Variants in MARK1 observed in about 807,000 individuals in gnomAD.
MARK1 encodes the protein microtubule affinity regulating kinase 1.
Under a neutral mutation model 96.3 loss-of-function variants are expected in MARK1, and 40 were observed. The observed-to-expected ratio is 0.42, with a 90% CI of 0.32 to 0.54. The LOEUF is 0.54. MARK1 is among the 20% of genes least tolerant of loss of function. The pLI is 0.16. For synonymous variants in MARK1, 317 were observed against 341.2 expected (o/e 0.93, Z 0.78); for missense variants, 719 against 984.6 (o/e 0.73, Z 3.61).
intron 13 of MARK1, among the ~76,000 whole-genome samples, chr1:220,644,494 T>G (rs560148511): frequency 2.3e-5 from 3 of 131,304 alleles, no homozygotes; most frequent in South Asian, 2.8e-4. Context: ...AAGACTTTAA[T>G]ACCCCACTGT....
intron 1 of MARK1, among the ~76,000 whole-genome samples, chr1:220,547,013 A>G (rs1344431974): frequency 6.6e-6 from 1 of 151,978 alleles, no homozygotes; most frequent in South Asian, 2.1e-4. Flanking sequence ...AAGAAAAGCA[A>G]CTATAGGAAT....
At chr1:220,531,947 C>A (rs993907936) in intron 1 of MARK1, among the ~76,000 whole-genome samples, 5 of 151,634 alleles carry the variant, frequency 3.3e-5, no homozygotes, top group African/African-American at 1.2e-4. Flanking sequence ...TGGATAATTC[C>A]ACCATGGATA....
chr1:220,552,889 A>G (rs775879464), intron 1 of MARK1, among the ~76,000 whole-genome samples: 2 of 152,010 alleles, frequency 1.3e-5, no homozygotes, highest in African/African-American at 2.4e-5. Context: ...GAGTGGTGCT[A>G]TTTTGGGAGC....
chr1:220,663,358 T>C lies in MARK1; in HGVS notation c.*1192T>C, dbSNP rs1669580837. The stretch of plus-strand genomic sequence containing the variant: ...TTATTCCACATCATTATGCCTATAA[T>C]GTGCCGCTTTGTGATTGGGCATTTG... On this transcript the variant is annotated 3_prime_UTR_variant, in exon 18 of 18. Transcript: ENST00000366917. The C allele has an allele frequency of 6.6e-6, 1 of 152,660 alleles. No homozygotes were observed. Among genetic ancestry groups the C allele is most frequent in the African/African-American group, 2.4e-5 (1 of 41,468 alleles). 9.5% of individuals were successfully genotyped at this position (152,660 alleles called of 1,614,324 possible).
rs1184317492 is a variant in MARK1 at position 220,663,022 on chromosome 1, G to A, written c.*856G>A. The A allele has an allele frequency of 1.3e-5, 2 of 152,534 alleles. No individual in the cohort carries two copies. The highest frequency in any genetic ancestry group is 1.9e-4 in the East Asian group (1 of 5,198). 9.4% of individuals were successfully genotyped at this position (152,534 alleles called of 1,614,324 possible). A position where few individuals can be genotyped will look rare whatever the true frequency, so the allele number is the denominator to read the frequency against. On this transcript the variant is annotated 3_prime_UTR_variant, in exon 18 of 18. Transcript: ENST00000366917. ...GTAGGTTTGCTGCCTTCAGAATACC[G>A]CAATTTAATTGCGGGAATATAATAA...
Position 220,528,771 on chromosome 1 carries a change from G to C in MARK1, c.-52G>C. 2.6e-6 allele frequency: 4 copies of C among 1,527,324 alleles called. No homozygotes were observed. Among genetic ancestry groups the C allele is most frequent in the Admixed American group, 2.0e-5 (1 of 50,222 alleles). The allele number at this position is 1,527,324 out of a possible 1,614,324, so 94.6% of individuals were successfully genotyped here. A position where few individuals can be genotyped will look rare whatever the true frequency, so the allele number is the denominator to read the frequency against. ...CCTTTCCTGTCGCCCCCCGGGGCCC[G>C]CACCACAGCCCGGCCGGCGAGACCC... On this transcript the variant is annotated 5_prime_UTR_variant, in exon 1 of 18. Transcript: ENST00000366917.
chr1:220,545,186 A>C (rs560253454), intron 1 of MARK1, among the ~76,000 whole-genome samples: 1 of 152,330 alleles, frequency 6.6e-6, no homozygotes, highest in East Asian at 1.9e-4. Flanking sequence ...GTGCATTTGC[A>C]CAAAGTCCCT....
chr1:220,549,443 C>A (rs1661716351), intron 1 of MARK1, among the ~76,000 whole-genome samples: 1 of 152,194 alleles, frequency 6.6e-6, no homozygotes, highest in Non-Finnish European at 1.5e-5. Context: ...GTTTTAAGTG[C>A]ATCTCAGGGT....
intron 6 of MARK1, among the ~76,000 whole-genome samples, chr1:220,609,389 T>C (rs1009101247): frequency 6.6e-6 from 1 of 152,206 alleles, no homozygotes; most frequent in Non-Finnish European, 1.5e-5. Flanking sequence ...CTGCTTTTTT[T>C]TGTTTTCCAT....
chr1:220,563,883 A>T (rs1349166887), intron 1 of MARK1, among the ~76,000 whole-genome samples: 1 of 152,198 alleles, frequency 6.6e-6, no homozygotes. Context: ...AATATTTTTA[A>T]TTTGAACCCC....
chr1:220,620,268 C>A (rs943127390), intron 9 of MARK1, among the ~76,000 whole-genome samples: 1 of 152,080 alleles, frequency 6.6e-6, no homozygotes, highest in Admixed American at 6.5e-5. Flanking sequence ...ATAATGCCCA[C>A]TTTTATATCA....
At chr1:220,562,534 T>C (rs1203672796) in intron 1 of MARK1, among the ~76,000 whole-genome samples, 2 of 152,050 alleles carry the variant, frequency 1.3e-5, no homozygotes, top group Non-Finnish European at 2.9e-5. Flanking sequence ...GTAAAGGAAT[T>C]TGAAGGTCCC....
At chr1:220,529,762 C>T (rs78966550) in intron 1 of MARK1, among the ~76,000 whole-genome samples, 8,695 of 152,234 alleles carry the variant, frequency 0.057, 326 homozygotes, top group Middle Eastern at 0.14. Flanking sequence ...GTATTTCCAC[C>T]TTCTGAAAAG....
chr1:220,653,433 T>C, intron 16 of MARK1, 81 bp downstream of exon 16: 1 of 1,404,686 alleles, frequency 7.1e-7, no homozygotes, highest in Non-Finnish European at 9.5e-7. Context: ...ATCTTTATAA[T>C]AATTTTCTAA....
intron 6 of MARK1, 59 bp from the exon 7 acceptor site, chr1:220,615,880 A>T: frequency 1.2e-6 from 1 of 855,784 alleles, no homozygotes; most frequent in Non-Finnish European, 1.9e-6. Context: ...GGAGGTGATT[A>T]TTGGGGAAAA....
chr1:220,618,158 G>A lies in MARK1; in HGVS notation c.553-152G>A, dbSNP rs1572183328. On this transcript the variant is annotated intron_variant, in intron 7 of 17. Transcript: ENST00000366917. The surrounding 1 kb of genome is among the most constrained non-coding windows in gnomAD (Gnocchi z 4.6). ...TGTAGATGTAATTCAGAACAGTTAT[G>A]CATTGAAGTACCATACTGGGCTTCT... 3.3e-6 allele frequency: 2 copies of A among 609,748 alleles called. No individual in the cohort carries two copies. Among genetic ancestry groups the A allele is most frequent in the Non-Finnish European group, 2.9e-6 (1 of 345,728 alleles). The allele number at this position is 609,748 out of a possible 1,614,324, so 37.8% of individuals were successfully genotyped here. A position where few individuals can be genotyped will look rare whatever the true frequency, so the allele number is the denominator to read the frequency against.
chr1:220,624,790 T>C (rs1256019416), intron 9 of MARK1, among the ~76,000 whole-genome samples: 1 of 152,208 alleles, frequency 6.6e-6, no homozygotes, highest in Non-Finnish European at 1.5e-5. Context: ...TTCTAATTGC[T>C]TATCTCTCAG....
At chr1:220,561,234 T>G (rs1419029930) in intron 1 of MARK1, among the ~76,000 whole-genome samples, 12 of 152,082 alleles carry the variant, frequency 7.9e-5, no homozygotes. Flanking sequence ...GAGACCAGAG[T>G]TAAACACATG....
chr1:220,609,537 G>A (rs948556666), intron 6 of MARK1, among the ~76,000 whole-genome samples: 2 of 152,072 alleles, frequency 1.3e-5, no homozygotes, highest in Non-Finnish European at 2.9e-5. Flanking sequence ...TTTAATTGGG[G>A]CATTTAGCCC....
Sources: allele counts gnomAD v4.1 joint callset (sites outside exome capture counted in the v4.1 genomes callset), GRCh38; gene constraint gnomAD v4.1.1; non-coding constraint Gnocchi (gnomAD v3.1); transcripts MANE v1.5; gene names NCBI Gene and HGNC (gene_info 2026-07-23, HGNC 2026-07-21).